Variants in CCDC178 observed in about 807,000 individuals in gnomAD.
The protein encoded by CCDC178 is coiled-coil domain containing 178, also known as coiled-coil domain-containing protein 178.
In CCDC178, 126 loss-of-function variants were observed where a neutral mutation model predicts 117.4. That is an observed-to-expected ratio of 1.07 (90% CI 0.93 to 1.24). The LOEUF (loss-of-function observed/expected upper bound fraction) is 1.24, where lower values mean the gene tolerates loss of function less well. Among genes scored for constraint, CCDC178 ranks in the 50% most tolerant of loss-of-function variants. The pLI is 0.00. For synonymous variants in CCDC178, 283 were observed against 313.4 expected, an observed-to-expected ratio of 0.90 and a Z score of 1.02; for missense variants, 1,030 against 986.9, an observed-to-expected ratio of 1.04 and a Z score of -0.59.
intron 9 of CCDC178, 62 bp downstream of exon 9, chr18:33,346,149 C>A: frequency 7.9e-7 from 1 of 1,270,308 alleles, no homozygotes; most frequent in Non-Finnish European, 1.1e-6. Flanking sequence ...ATATACAGAC[C>A]TGTAATTAAT....
At chr18:33,393,033 G>A (rs544472565) in intron 4 of CCDC178, among the ~76,000 whole-genome samples, 1 of 152,040 alleles carries the variant, frequency 6.6e-6, no homozygotes, top group Non-Finnish European at 1.5e-5. Context: ...TGGTCTTCCC[G>A]TGAATAATTT....
chr18:33,266,539 C>CT (rs538737639), intron 14 of CCDC178, among the ~76,000 whole-genome samples: 1 of 146,810 alleles, frequency 6.8e-6, no homozygotes, highest in Admixed American at 7.1e-5. Context: ...TTTGACTTTT[C>CT]TTTTTTTTCT....
chr18:33,242,641 A>C (rs1258194361), intron 15 of CCDC178, among the ~76,000 whole-genome samples: 1 of 151,922 alleles, frequency 6.6e-6, no homozygotes, highest in Non-Finnish European at 1.5e-5. Flanking sequence ...CAAATTGCTA[A>C]CAAATACAAG....
intron 20 of CCDC178, among the ~76,000 whole-genome samples, chr18:33,174,539 G>A (rs1598962428): frequency 6.6e-6 from 1 of 152,242 alleles, no homozygotes. Context: ...TGAACAGAGA[G>A]AACTGAAAGA....
chr18:33,311,745 T>TCC (rs988988501), intron 11 of CCDC178, among the ~76,000 whole-genome samples: 1 of 152,190 alleles, frequency 6.6e-6, no homozygotes, highest in Non-Finnish European at 1.5e-5. Context: ...GCCTGGGGAC[T>TCC]CCTCAGTTGG....
At chr18:33,284,897 C>T (rs1255219332) in intron 12 of CCDC178, among the ~76,000 whole-genome samples, 2 of 151,402 alleles carry the variant, frequency 1.3e-5, no homozygotes, top group African/African-American at 4.9e-5. Context: ...TGTACTGTAG[C>T]TCTTGGGGAA....
At chr18:33,060,953 C>T (rs556267433) in intron 21 of CCDC178, among the ~76,000 whole-genome samples, 9 of 152,120 alleles carry the variant, frequency 5.9e-5, no homozygotes, top group East Asian at 3.9e-4. Flanking sequence ...CCCACATTTC[C>T]GCACACTCCT....
At chr18:33,402,535 C>A (rs1022837692) in intron 3 of CCDC178, among the ~76,000 whole-genome samples, 5 of 152,184 alleles carry the variant, frequency 3.3e-5, no homozygotes, top group African/African-American at 1.2e-4. Context: ...CAAGACTTCA[C>A]TTCTAAAGCT....
intron 3 of CCDC178, among the ~76,000 whole-genome samples, chr18:33,398,524 A>G (rs1402614374): frequency 6.6e-6 from 1 of 152,238 alleles, no homozygotes; most frequent in Non-Finnish European, 1.5e-5. Context: ...AAGATAAATT[A>G]TGATGTCTCT....
rs74567562 is a variant in CCDC178, at chr18:33,025,666, G to A, written c.2389-50985C>T. On this transcript the variant is annotated intron_variant, in intron 21 of 22. Transcript: ENST00000383096. ...GATGCCCAACATCATTAGCCATTAGGGGAATCAAATTAAAACCCCTACATA... is the reference window on the plus strand; with the variant it reads ...GATGCCCAACATCATTAGCCATTAGAGGAATCAAATTAAAACCCCTACATA... 8.9e-3 allele frequency among the ~76,000 whole-genome samples: 1,356 copies of A among 152,148 alleles called. 21 individuals are homozygous for A. The highest frequency in any genetic ancestry group is 0.031 in the African/African-American group (1,301 of 41,498).
intron 11 of CCDC178, among the ~76,000 whole-genome samples, chr18:33,296,652 T>TA (rs771376490): frequency 5.3e-5 from 8 of 152,128 alleles, no homozygotes; most frequent in African/African-American, 1.2e-4. Context: ...ATAAGACACA[T>TA]AAAAAATCCC....
intron 2 of CCDC178, among the ~76,000 whole-genome samples, chr18:33,433,680 T>C (rs926573843): frequency 6.6e-6 from 1 of 152,154 alleles, no homozygotes; most frequent in African/African-American, 2.4e-5. Context: ...AAGCTGTTAG[T>C]TGAGAAAATG....
chr18:33,299,883 C>T (rs927028673), intron 11 of CCDC178, among the ~76,000 whole-genome samples: 3 of 151,706 alleles, frequency 2.0e-5, no homozygotes, highest in African/African-American at 4.8e-5. Context: ...ATGCAAACAA[C>T]AATGAGGTAT....
intron 4 of CCDC178, among the ~76,000 whole-genome samples, chr18:33,392,815 C>T (rs2063580949): frequency 6.6e-6 from 1 of 152,152 alleles, no homozygotes; most frequent in African/African-American, 2.4e-5. Flanking sequence ...TGAGCCATGA[C>T]TCCAACCTGG....
chr18:33,084,930 T>C (rs573072517), intron 21 of CCDC178, among the ~76,000 whole-genome samples: 44 of 152,216 alleles, frequency 2.9e-4, no homozygotes, highest in Non-Finnish European at 2.1e-4. Flanking sequence ...TACCGTATCA[T>C]CCTCTGTCAG....
intron 11 of CCDC178, among the ~76,000 whole-genome samples, chr18:33,313,452 G>A (rs2062370210): frequency 6.6e-6 from 1 of 152,064 alleles, no homozygotes; most frequent in South Asian, 2.1e-4. Flanking sequence ...TCAAAAAATG[G>A]AATAAAAGCC....
chr18:33,159,081 C>T (rs575053666), intron 20 of CCDC178, among the ~76,000 whole-genome samples: 47 of 152,088 alleles, frequency 3.1e-4, no homozygotes, highest in African/African-American at 1.1e-3. Context: ...ACAACAGATT[C>T]TGCAATACGG....
At chr18:33,047,235 C>T (rs2056660867) in intron 21 of CCDC178, among the ~76,000 whole-genome samples, 1 of 152,078 alleles carries the variant, frequency 6.6e-6, no homozygotes, top group Non-Finnish European at 1.5e-5. Flanking sequence ...ATACAAATGG[C>T]ACAATAAAGA....
At chr18:33,225,035 A>T in intron 16 of CCDC178, 99 bp from the exon 17 acceptor site, 1 of 728,496 alleles carries the variant, frequency 1.4e-6, no homozygotes, top group Non-Finnish European at 2.0e-6. Flanking sequence ...TTTTATTTGA[A>T]AATCAAATAA....
Sources: allele counts gnomAD v4.1 joint callset (sites outside exome capture counted in the v4.1 genomes callset), GRCh38; gene constraint gnomAD v4.1.1; transcripts MANE v1.5; gene names NCBI Gene and HGNC (gene_info 2026-07-23, HGNC 2026-07-21).